The following EYS variants were observed in gnomAD, a reference collection of about 807,000 sequenced individuals.
EYS encodes EGF-like photoreceptor maintenance factor.
A neutral mutation model predicts 282.1 loss-of-function variants in EYS; 250 were observed. The observed-to-expected ratio is 0.89, with a 90% CI of 0.80 to 0.98. The LOEUF (loss-of-function observed/expected upper bound fraction) is 0.98, where lower values mean the gene tolerates loss of function less well. EYS is among the 50% of genes least tolerant of loss of function. The pLI is 0.00. For synonymous variants in EYS, 1,355 were observed against 1,282.9 expected (o/e 1.06, Z -1.20); for missense variants, 4,016 against 3,709.0 (o/e 1.08, Z -2.15).
intron 1 of EYS, among the ~76,000 whole-genome samples, chr6:65,649,781 C>T (rs953099997): frequency 6.6e-6 from 1 of 151,936 alleles, no homozygotes; most frequent in Non-Finnish European, 1.5e-5. Flanking sequence ...GTCATTGAGC[C>T]CCACATTTCT....
chr6:63,783,361 A>G (rs1345199012), intron 39 of EYS, among the ~76,000 whole-genome samples: 4 of 152,198 alleles, frequency 2.6e-5, no homozygotes, highest in African/African-American at 9.7e-5. Context: ...AGTAGCAACT[A>G]TTACACCTGC....
intron 8 of EYS, among the ~76,000 whole-genome samples, chr6:65,368,844 A>G (rs981617230): frequency 6.6e-6 from 1 of 151,602 alleles, no homozygotes; most frequent in African/African-American, 2.4e-5. Flanking sequence ...AAGTTCTTTC[A>G]GAGAGCCATT....
chr6:63,983,544 T>C (rs2149791656), intron 35 of EYS, among the ~76,000 whole-genome samples: 1 of 151,912 alleles, frequency 6.6e-6, no homozygotes, highest in South Asian at 2.1e-4. Context: ...TTCTACACTG[T>C]GTATAGAGAT....
At chr6:63,894,612 C>T (rs1477809640) in intron 35 of EYS, among the ~76,000 whole-genome samples, 3 of 151,344 alleles carry the variant, frequency 2.0e-5, no homozygotes, top group Non-Finnish European at 4.4e-5. Flanking sequence ...GATGGAGTCT[C>T]ACTCTGTCGC....
intron 29 of EYS, among the ~76,000 whole-genome samples, chr6:64,358,446 C>T (rs757904267): frequency 4.0e-5 from 6 of 151,658 alleles, no homozygotes; most frequent in Admixed American, 2.0e-4. Flanking sequence ...CAATTCCTTC[C>T]CAAGGAGTGT....
chr6:64,763,105 GA>G (rs147967652), intron 22 of EYS, among the ~76,000 whole-genome samples: 1 of 151,748 alleles, frequency 6.6e-6, no homozygotes, highest in Non-Finnish European at 1.5e-5. Flanking sequence ...CTTTTATTTT[GA>G]AAAAATATAA....
chr6:65,302,098 T>C, intron 11 of EYS, among the ~76,000 whole-genome samples: 1 of 152,254 alleles, frequency 6.6e-6, no homozygotes, highest in East Asian at 1.9e-4. Flanking sequence ...AATGAACTCT[T>C]TTTTTTGTTT....
chr6:65,366,818 T>C (rs576350624), intron 8 of EYS, among the ~76,000 whole-genome samples: 28 of 151,726 alleles, frequency 1.8e-4, no homozygotes, highest in African/African-American at 6.5e-4. Context: ...TCTTTATCTT[T>C]TTCTCAGCTT....
intron 2 of EYS, among the ~76,000 whole-genome samples, chr6:65,584,372 T>C (rs1199979540): frequency 6.6e-6 from 1 of 152,032 alleles, no homozygotes; most frequent in East Asian, 1.9e-4. Context: ...CAGAAAATTA[T>C]CCAATCCAAA....
At chr6:64,331,817 T>C (rs1288109799) in intron 29 of EYS, among the ~76,000 whole-genome samples, 2 of 152,182 alleles carry the variant, frequency 1.3e-5, no homozygotes, top group African/African-American at 4.8e-5. Flanking sequence ...GAAAACCTGC[T>C]TGTGGACTTT....
intron 41 of EYS, among the ~76,000 whole-genome samples, chr6:63,747,819 C>G (rs1442235972): frequency 2.0e-5 from 3 of 152,064 alleles, no homozygotes; most frequent in Non-Finnish European, 4.4e-5. Context: ...TCCTTCATCC[C>G]TTTATTTTGA....
chr6:64,406,533 G>A (rs1211277558), intron 28 of EYS, among the ~76,000 whole-genome samples: 1 of 151,826 alleles, frequency 6.6e-6, no homozygotes, highest in Non-Finnish European at 1.5e-5. Flanking sequence ...GCCTCCTACA[G>A]AATGGGAGAA....
At chr6:63,889,156 T>C (rs1372902899) in intron 35 of EYS, among the ~76,000 whole-genome samples, 1 of 152,134 alleles carries the variant, frequency 6.6e-6, no homozygotes, top group African/African-American at 2.4e-5. Context: ...AGACCAAACC[T>C]ACATTGATTG....
chr6:64,732,410 A>G (rs1411476858), intron 22 of EYS, among the ~76,000 whole-genome samples: 2 of 152,132 alleles, frequency 1.3e-5, no homozygotes, highest in African/African-American at 4.8e-5. Context: ...CTGTTAGCTC[A>G]TTAATTGCAT....
chr6:65,638,483 C>T (rs553953022), intron 2 of EYS, among the ~76,000 whole-genome samples: 54 of 152,292 alleles, frequency 3.5e-4, no homozygotes, highest in African/African-American at 1.3e-3. Flanking sequence ...CCTAGGGGCT[C>T]CCCGAGCCAG....
At chr6:65,335,454 G>A (rs750610101) in intron 10 of EYS, among the ~76,000 whole-genome samples, 33 of 151,732 alleles carry the variant, frequency 2.2e-4, no homozygotes, top group Non-Finnish European at 3.5e-4. Context: ...ATCAGACAGA[G>A]AATCGCCTTA....
intron 28 of EYS, among the ~76,000 whole-genome samples, chr6:64,428,967 T>G (rs1774499540): frequency 6.6e-6 from 1 of 152,042 alleles, no homozygotes; most frequent in Admixed American, 6.6e-5. Flanking sequence ...TTGATCAAAA[T>G]CCAACCAAAA....
At position 64,372,581 on chromosome 6, in the gene EYS, G is replaced by GTT. The variant is rs1772420551; in HGVS notation, c.6078+16107_6078+16108dup. Among the ~76,000 whole-genome samples the GTT allele has an allele frequency of 2.0e-5, 3 of 152,230 alleles. No homozygotes were observed. The South Asian group carries it at 6.2e-4, about 32-fold the overall frequency. On this transcript the variant is annotated intron_variant, in intron 29 of 42. Transcript: ENST00000503581. ...GGTTTCTCTGCATTTTGATTTGAAT[G>GTT]TTGACCTCTCTAGTAAGGTTGGGGA...
rs762151868 is a variant in EYS at position 64,813,428 on chromosome 6, A to C, written c.3393T>G (p.Cys1131Trp). 1 of 1,550,108 alleles carries C rather than the reference A, an allele frequency of 6.5e-7. No homozygotes were observed. Residue 1131 changes from cysteine to tryptophan, a missense_variant, in exon 22 of 43, where the codon TGT becomes TGG. Transcript: ENST00000503581. ...CAEPELNSVI[C>W]LNGGICVDGP... ...CATCAACACAGATCCCTCCATTAAGACAGATGACTGAATTAAGTTCAGGCT... is the reference window on the plus strand; with the variant it reads ...CATCAACACAGATCCCTCCATTAAGCCAGATGACTGAATTAAGTTCAGGCT...
Sources: gnomAD v4.1 joint callset for allele counts (sites outside exome capture counted in the v4.1 genomes callset) on GRCh38, gnomAD v4.1.1 for gene constraint, MANE v1.5 for transcripts, NCBI Gene and HGNC (gene_info 2026-07-23, HGNC 2026-07-21) for gene names.